The following EYS variants were observed in gnomAD, a reference collection of about 807,000 sequenced individuals.
EYS encodes the protein protein eyes shut homolog.
In EYS, 250 loss-of-function variants were observed where a neutral mutation model predicts 282.1. The ratio of observed to expected loss-of-function variants is 0.89; its 90% CI spans 0.80 to 0.98. EYS has a LOEUF of 0.98. Ranked by LOEUF, EYS falls within the 50% of genes least tolerant of loss-of-function variation. EYS has a pLI of 0.00. For missense variants in EYS, 4,016 were observed against 3,709.0 expected (o/e 1.08, Z -2.15); for synonymous variants, 1,355 against 1,282.9 (o/e 1.06, Z -1.20).
chr6:64,794,615 C>T (rs542972850), intron 22 of EYS, among the ~76,000 whole-genome samples: 1 of 152,274 alleles, frequency 6.6e-6, no homozygotes, highest in African/African-American at 2.4e-5. Context: ...ATTCCCCAGT[C>T]TCTGGTATGT....
At chr6:64,571,797 G>GA (rs1268597111) in intron 26 of EYS, among the ~76,000 whole-genome samples, 1 of 151,868 alleles carries the variant, frequency 6.6e-6, no homozygotes, top group African/African-American at 2.4e-5. Flanking sequence ...AGCCTACAAC[G>GA]AAAAAATGCC....
intron 13 of EYS, among the ~76,000 whole-genome samples, chr6:65,008,032 A>T (rs1439107090): frequency 1.3e-5 from 2 of 152,158 alleles, no homozygotes; most frequent in African/African-American, 2.4e-5. Context: ...AACAGAGGAA[A>T]AAGAATGATT....
At chr6:65,616,542 CT>C (rs1329982983) in intron 2 of EYS, among the ~76,000 whole-genome samples, 1 of 152,050 alleles carries the variant, frequency 6.6e-6, no homozygotes, top group Non-Finnish European at 1.5e-5. Context: ...AATCCTAGCA[CT>C]TTGGGAGGCC....
intron 2 of EYS, among the ~76,000 whole-genome samples, chr6:65,629,783 G>C (rs935000587): frequency 2.6e-5 from 4 of 152,026 alleles, no homozygotes; most frequent in Admixed American, 6.6e-5. Context: ...GATTTGTCTT[G>C]TGCATAGGGC....
At chr6:64,424,535 A>G (rs1055723022) in intron 28 of EYS, among the ~76,000 whole-genome samples, 2 of 152,182 alleles carry the variant, frequency 1.3e-5, no homozygotes, top group Admixed American at 6.5e-5. Flanking sequence ...ACCAAACTGC[A>G]TCTGCTTTAT....
intron 1 of EYS, among the ~76,000 whole-genome samples, chr6:65,653,162 T>A (rs1456459652): frequency 6.6e-6 from 1 of 151,856 alleles, no homozygotes; most frequent in Non-Finnish European, 1.5e-5. Context: ...GTGTTTTCTA[T>A]TTCTTCACTT....
chr6:63,997,715 C>T (rs530543755), intron 34 of EYS, among the ~76,000 whole-genome samples: 1 of 152,116 alleles, frequency 6.6e-6, no homozygotes, highest in Admixed American at 6.6e-5. Context: ...GTCAAAGAGG[C>T]TATAAATATG....
intron 26 of EYS, among the ~76,000 whole-genome samples, chr6:64,588,499 T>C (rs1182402049): frequency 6.6e-6 from 1 of 152,036 alleles, no homozygotes; most frequent in Non-Finnish European, 1.5e-5. Context: ...TCTAGTCTCC[T>C]CCCTGTCTGT....
intron 12 of EYS, among the ~76,000 whole-genome samples, chr6:65,170,074 TA>T (rs556213677): frequency 1.8e-3 from 272 of 151,670 alleles, no homozygotes; most frequent in Non-Finnish European, 3.1e-3. Flanking sequence ...TGCTATAAAA[TA>T]ATTATAGGGA....
At chr6:63,900,487 G>A (rs77497166) in intron 35 of EYS, among the ~76,000 whole-genome samples, 1,731 of 152,166 alleles carry the variant, frequency 0.011, 37 homozygotes, top group African/African-American at 0.04. Flanking sequence ...TAGAACTCAA[G>A]CAGATCTTAA....
chr6:65,692,470 A>C (rs898186191), intron 1 of EYS, among the ~76,000 whole-genome samples: 4 of 150,278 alleles, frequency 2.7e-5, no homozygotes, highest in African/African-American at 9.7e-5. Context: ...ACTAAATATT[A>C]ATTTGAGGTA....
intron 5 of EYS, among the ~76,000 whole-genome samples, chr6:65,434,363 C>T (rs1302491239): frequency 4.0e-5 from 6 of 151,612 alleles, no homozygotes; most frequent in Admixed American, 2.0e-4. Flanking sequence ...CTCTGTTGCC[C>T]AGGCTGGAGT....
intron 1 of EYS, among the ~76,000 whole-genome samples, chr6:65,685,706 T>C (rs1426997994): frequency 6.6e-6 from 1 of 152,030 alleles, no homozygotes; most frequent in Non-Finnish European, 1.5e-5. Flanking sequence ...GAAATGTGTG[T>C]TTCCATGCAT....
chr6:65,188,246 C>A (rs1169513443), intron 12 of EYS, among the ~76,000 whole-genome samples: 4 of 151,464 alleles, frequency 2.6e-5, no homozygotes, highest in Admixed American at 2.6e-4. Context: ...AGATAATTGT[C>A]TTGACTAGGA....
At chr6:65,135,146 G>A (rs1385771798) in intron 12 of EYS, among the ~76,000 whole-genome samples, 2 of 151,836 alleles carry the variant, frequency 1.3e-5, no homozygotes, top group Non-Finnish European at 2.9e-5. Context: ...GATTCCTAGG[G>A]AAATAATAGA....
At chr6:63,887,334 T>C (rs420106) in intron 35 of EYS, among the ~76,000 whole-genome samples, 3 of 144,658 alleles carry the variant, frequency 2.1e-5, no homozygotes, top group South Asian at 2.2e-4. Context: ...TTTTTTTTTG[T>C]CTTTGAAAAT....
intron 8 of EYS, among the ~76,000 whole-genome samples, chr6:65,370,334 C>T (rs1765094407): frequency 6.8e-6 from 1 of 147,010 alleles, no homozygotes; most frequent in South Asian, 2.1e-4. Flanking sequence ...TAGCTCACTG[C>T]AGTCTTAATT....
intron 2 of EYS, among the ~76,000 whole-genome samples, chr6:65,561,923 A>G (rs1769074697): frequency 6.6e-6 from 1 of 151,676 alleles, no homozygotes; most frequent in Non-Finnish European, 1.5e-5. Flanking sequence ...TCTAAATTAA[A>G]TGGTTATAAA....
intron 2 of EYS, among the ~76,000 whole-genome samples, chr6:65,574,759 AG>A (rs956729643): frequency 4.6e-5 from 7 of 152,102 alleles, no homozygotes; most frequent in African/African-American, 1.7e-4. Flanking sequence ...TATGCTTTAG[AG>A]CAAGTGGCCT....
Sources: allele counts gnomAD v4.1 joint callset (sites outside exome capture counted in the v4.1 genomes callset), GRCh38; gene constraint gnomAD v4.1.1; transcripts MANE v1.5; gene names NCBI Gene and HGNC (gene_info 2026-07-23, HGNC 2026-07-21).